SLC17A8: variants seen among roughly 807,000 people sequenced by gnomAD.
The protein encoded by SLC17A8 is vesicular glutamate transporter 3.
Under a neutral mutation model 58.0 loss-of-function variants are expected in SLC17A8, and 31 were observed. The ratio of observed to expected loss-of-function variants is 0.53; its 90% CI spans 0.40 to 0.72. The LOEUF (loss-of-function observed/expected upper bound fraction) is 0.72. SLC17A8 is among the 30% of genes least tolerant of loss of function. The pLI is 0.00. For synonymous variants in SLC17A8, 228 were observed against 249.0 expected (o/e 0.92, Z 0.79); for missense variants, 655 against 727.8 (o/e 0.90, Z 1.15).
chr12:100,368,195 C>T (rs375890820), intron 1 of SLC17A8, among the ~76,000 whole-genome samples: 1 of 152,186 alleles, frequency 6.6e-6, no homozygotes, highest in East Asian at 1.9e-4. Flanking sequence ...AAGGTGTTGG[C>T]AGGGCCAAGC....
chr12:100,401,288 C>T (rs1451312683), intron 5 of SLC17A8, among the ~76,000 whole-genome samples: 2 of 151,346 alleles, frequency 1.3e-5, no homozygotes, highest in Non-Finnish European at 2.9e-5. Flanking sequence ...TGTGAGCCAC[C>T]GTGCCTGGCA....
chr12:100,396,561 C>T (rs1289860709), intron 5 of SLC17A8, 144 bp downstream of exon 5: 1 of 628,988 alleles, frequency 1.6e-6, no homozygotes, highest in Middle Eastern at 4.0e-4. Flanking sequence ...TCAGCCTGGA[C>T]AATATAGTGA....
intron 1 of SLC17A8, among the ~76,000 whole-genome samples, chr12:100,358,877 C>T (rs1952465469): frequency 6.6e-6 from 1 of 152,218 alleles, no homozygotes; most frequent in African/African-American, 2.4e-5. Flanking sequence ...CGCAGTGGCT[C>T]ACGCCTGTAA....
chr12:100,388,868 C>CTTCTTA (rs1457273223), intron 2 of SLC17A8, among the ~76,000 whole-genome samples: 4 of 152,176 alleles, frequency 2.6e-5, no homozygotes, highest in African/African-American at 9.7e-5. Context: ...TGTTCCCAGG[C>CTTCTTA]GTTTGATTTA....
chr12:100,393,279 C>A, intron 3 of SLC17A8, 90 bp from the exon 4 acceptor site: 1 of 859,682 alleles, frequency 1.2e-6, no homozygotes, highest in Non-Finnish European at 2.0e-6. Context: ...AGGGATCTTT[C>A]ATGAACTGTT....
At chr12:100,366,418 T>C (rs899430620) in intron 1 of SLC17A8, among the ~76,000 whole-genome samples, 2 of 152,174 alleles carry the variant, frequency 1.3e-5, no homozygotes, top group African/African-American at 4.8e-5. Context: ...GGACTCCACT[T>C]ATTACCTGAC....
intron 9 of SLC17A8, among the ~76,000 whole-genome samples, chr12:100,410,008 A>T (rs929236593): frequency 6.6e-6 from 1 of 152,216 alleles, no homozygotes; most frequent in African/African-American, 2.4e-5. Flanking sequence ...TGTGTGGCTT[A>T]GAAAGACAGT....
intron 1 of SLC17A8, among the ~76,000 whole-genome samples, chr12:100,361,100 T>A (rs1290998541): frequency 6.6e-6 from 1 of 152,172 alleles, no homozygotes. Flanking sequence ...TGCTGCAACA[T>A]CCTTTACTTC....
rs149032808 is a variant in SLC17A8, at chr12:100,383,128, C to G, written c.354+2175C>G. 3.3e-5 allele frequency among the ~76,000 whole-genome samples: 5 copies of G among 152,272 alleles called. No individual in the cohort carries two copies. In the East Asian group the frequency reaches 9.7e-4, roughly 29 times the overall value. On this transcript the variant is annotated intron_variant, in intron 2 of 11. Transcript: ENST00000323346. Reference sequence around the variant, plus strand: ...TCTTTCAGCCTTTTGTGAGCAAGACCAGCTAATTAAAACTTGTCTGCTGAG... The same window carrying G: ...TCTTTCAGCCTTTTGTGAGCAAGACGAGCTAATTAAAACTTGTCTGCTGAG...
intron 1 of SLC17A8, among the ~76,000 whole-genome samples, chr12:100,367,188 C>T (rs1292692920): frequency 6.6e-6 from 1 of 152,134 alleles, no homozygotes; most frequent in Non-Finnish European, 1.5e-5. Context: ...TCTGCTGTAA[C>T]AGTTCCCAAC....
chr12:100,366,386 A>T (rs1278433676), intron 1 of SLC17A8, among the ~76,000 whole-genome samples: 3 of 152,160 alleles, frequency 2.0e-5, no homozygotes, highest in Non-Finnish European at 4.4e-5. Flanking sequence ...ACATGAACTC[A>T]CTATGAGACG....
rs1410700423 is a variant in SLC17A8 at position 100,357,153 on chromosome 12, C to A, written c.-239C>A. Reference sequence around the variant, plus strand: ...CTTTTGCAAGGGACTGAATTCCCAGCCAGACACCCCTTGGACTCTTTTTTG... The same window carrying A: ...CTTTTGCAAGGGACTGAATTCCCAGACAGACACCCCTTGGACTCTTTTTTG... On this transcript the variant is annotated 5_prime_UTR_variant, in exon 1 of 12. Coordinates refer to ENST00000323346, the MANE Select transcript of SLC17A8 (RefSeq NM_139319.3). 6.4e-6 allele frequency: 3 copies of A among 469,466 alleles called. No homozygotes were observed. The highest frequency in any genetic ancestry group is 1.2e-5 in the Non-Finnish European group (3 of 256,142). 29.1% of individuals were successfully genotyped at this position (469,466 alleles called of 1,614,324 possible). A position where few individuals can be genotyped will look rare whatever the true frequency, so the allele number is the denominator to read the frequency against.
chr12:100,360,661 C>T (rs1274528441), intron 1 of SLC17A8, among the ~76,000 whole-genome samples: 1 of 152,218 alleles, frequency 6.6e-6, no homozygotes. Context: ...CAAGGTCACA[C>T]AGCTATAAAT....
intron 2 of SLC17A8, among the ~76,000 whole-genome samples, chr12:100,387,013 C>T (rs761444617): frequency 1.2e-4 from 18 of 152,084 alleles, no homozygotes; most frequent in Non-Finnish European, 2.1e-4. Flanking sequence ...CATCTGTCAA[C>T]GGGCATTCAG....
rs773822821 is a variant in SLC17A8, at chr12:100,402,458, G to T, written c.882G>T (p.Gly294=). The T allele has an allele frequency of 6.2e-6, 10 of 1,613,910 alleles. No homozygotes were observed. The highest frequency in any genetic ancestry group is 1.1e-5 in the South Asian group (1 of 91,078). ...ATATAGAGACAAGCATAGGAGAGGGGGCCAACGTGGTTAGTCTAAGTGTAA... is the reference window on the plus strand; with the variant it reads ...ATATAGAGACAAGCATAGGAGAGGGTGCCAACGTGGTTAGTCTAAGTGTAA... ...KTYIETSIGE[G]ANVVSLSKFS... Residue 294 remains glycine, a synonymous_variant, in exon 7 of 12, where the codon GGG becomes GGT. Transcript: ENST00000323346.
chr12:100,387,382 G>C (rs1952683402), intron 2 of SLC17A8, among the ~76,000 whole-genome samples: 2 of 152,110 alleles, frequency 1.3e-5, no homozygotes, highest in African/African-American at 4.8e-5. Context: ...GTAGATATTG[G>C]CCATTTATTG....
intron 1 of SLC17A8, among the ~76,000 whole-genome samples, chr12:100,371,528 T>C (rs1592988999): frequency 6.6e-6 from 1 of 152,194 alleles, no homozygotes; most frequent in South Asian, 2.1e-4. Flanking sequence ...GGATGATCCT[T>C]GGGCAAGTTT....
In SLC17A8 at chr12:100,421,288, A is replaced by G. The variant is rs1332870055; in HGVS notation, c.*1129A>G. 6.6e-6 allele frequency: 1 copy of G among 152,106 alleles called. No individual in the cohort carries two copies. The highest frequency in any genetic ancestry group is 2.4e-5 in the African/African-American group (1 of 41,448). 9.4% of individuals were successfully genotyped at this position (152,106 alleles called of 1,614,324 possible). On this transcript the variant is annotated 3_prime_UTR_variant, in exon 12 of 12. Coordinates refer to ENST00000323346, the MANE Select transcript of SLC17A8 (RefSeq NM_139319.3). ...TTTAGCCTTTTCTGCTGGAGATTAT[A>G]TTAGGAAGTTTCATCAGATTGTATA... is the stretch of plus-strand genomic sequence containing the variant.
chr12:100,389,776 GCACACACCAC>G (rs1209048328), intron 2 of SLC17A8, among the ~76,000 whole-genome samples: 1 of 149,990 alleles, frequency 6.7e-6, no homozygotes, highest in African/African-American at 2.4e-5. Context: ...AGGACTACAG[GCACACACCAC>G]CACACCTGGC....
Sources: allele counts gnomAD v4.1 joint callset (sites outside exome capture counted in the v4.1 genomes callset), GRCh38; gene constraint gnomAD v4.1.1; transcripts MANE v1.5; gene names NCBI Gene and HGNC (gene_info 2026-07-23, HGNC 2026-07-21).